The following PIGN variants were observed in gnomAD, a reference collection of about 807,000 sequenced individuals.
PIGN encodes GPI ethanolamine phosphate transferase 1.
In PIGN, 117 loss-of-function variants were observed where a neutral mutation model predicts 125.4. The observed-to-expected ratio is 0.93, with a 90% CI of 0.80 to 1.09. PIGN has a LOEUF of 1.09. Among genes scored for constraint, PIGN ranks in the 50% least tolerant of loss-of-function variants. The pLI, the probability that PIGN is intolerant of heterozygous loss-of-function variation, is 0.00. For missense variants in PIGN, 1,075 were observed against 1,094.9 expected (o/e 0.98, Z 0.26); for synonymous variants, 392 against 377.8 (o/e 1.04, Z -0.44).
Position 62,178,694 on chromosome 18 carries a change from T to C in PIGN, c.-236+8150A>G, listed in dbSNP as rs142641535. Among the ~76,000 whole-genome samples the C allele has an allele frequency of 2.5e-3, 380 of 152,204 alleles. 3 individuals carry two copies. The highest frequency in any genetic ancestry group is 8.8e-3 in the African/African-American group (367 of 41,536). On this transcript the variant is annotated intron_variant, in intron 1 of 30. Coordinates refer to ENST00000640252, the MANE Select transcript of PIGN (RefSeq NM_176787.5). ...TCAGATAAACTATTAAGCCATATAATTAGCACTAGTTCATTTGCTTATTAT... is the reference window on the plus strand; with the variant it reads ...TCAGATAAACTATTAAGCCATATAACTAGCACTAGTTCATTTGCTTATTAT...
At chr18:62,030,607 C>T (rs1398858577) in intron 23 of PIGN, among the ~76,000 whole-genome samples, 2 of 152,184 alleles carry the variant, frequency 1.3e-5, no homozygotes. Flanking sequence ...GTAGTGAACT[C>T]CACCTTTAGG....
chr18:62,101,154 A>C lies in PIGN; in HGVS notation c.1998T>G (p.Val666=). The change falls in exon 22 of 31, where the codon GTT becomes GTG. Residue 666 remains valine, a synonymous_variant. Transcript: ENST00000640252. ...GTAGACTACTCTGAGTGCTATACAC[A>C]ACATACATGGAGAGCACTGTGCTCA... ...QVLSTVLSMY[V]VYSTQSSLLR... 6.2e-7 allele frequency: 1 copy of C among 1,606,676 alleles called. No individual in the cohort carries two copies. The highest frequency in any genetic ancestry group is 8.5e-7 in the Non-Finnish European group (1 of 1,174,032).
chr18:62,130,958 AAATG>A (rs1308132645), intron 14 of PIGN, among the ~76,000 whole-genome samples: 3 of 152,196 alleles, frequency 2.0e-5, no homozygotes, highest in East Asian at 1.9e-4. Flanking sequence ...ATAAGTGAAT[AAATG>A]AATAATATTT....
chr18:62,097,388 C>T (rs2146251391), intron 22 of PIGN, among the ~76,000 whole-genome samples: 1 of 138,028 alleles, frequency 7.2e-6, no homozygotes, highest in South Asian at 2.6e-4. Context: ...CATCTCACAC[C>T]AGTTAGAATG....
At chr18:62,038,153 T>C (rs1177850801), downstream of PIGN, among the ~76,000 whole-genome samples, 1 of 152,180 alleles carries the variant, frequency 6.6e-6, no homozygotes, top group Non-Finnish European at 1.5e-5. Flanking sequence ...AGGGATAAAG[T>C]CTGAATCAGT....
At chr18:62,067,946 A>G (rs2145602374) in intron 30 of PIGN, among the ~76,000 whole-genome samples, 1 of 152,320 alleles carries the variant, frequency 6.6e-6, no homozygotes, top group Non-Finnish European at 1.5e-5. Flanking sequence ...AGTTCTATGC[A>G]TGTAATAAGA....
At chr18:62,085,917 A>C (rs2033675790) in intron 25 of PIGN, among the ~76,000 whole-genome samples, 1 of 152,196 alleles carries the variant, frequency 6.6e-6, no homozygotes, top group Non-Finnish European at 1.5e-5. Context: ...CTCTTTCATT[A>C]CCATAGACAC....
Position 62,107,674 on chromosome 18 carries a change from T to A in PIGN, c.1575-589A>T, listed in dbSNP as rs189724170. ...ATGACAATAAATGAATCTTGTTTGATCTTAGTTTAAACACGGATTCATACA... is the reference window on the plus strand; with the variant it reads ...ATGACAATAAATGAATCTTGTTTGAACTTAGTTTAAACACGGATTCATACA... On this transcript the variant is annotated intron_variant, in intron 17 of 30. Transcript: ENST00000640252. 4 of 152,224 alleles carry A rather than the reference T, an allele frequency of 2.6e-5. No individual in the cohort carries two copies. In the East Asian group the frequency reaches 7.7e-4, roughly 29 times the overall value. 9.4% of individuals were successfully genotyped at this position (152,224 alleles called of 1,614,324 possible). A position where few individuals can be genotyped will look rare whatever the true frequency, so the allele number is the denominator to read the frequency against.
intron 23 of PIGN, 55 bp downstream of exon 23, chr18:62,095,792 TC>T (rs2034154893): frequency 1.1e-6 from 1 of 910,596 alleles, no homozygotes; most frequent in Non-Finnish European, 1.8e-6. Context: ...AGAGAAAATA[TC>T]AATATATCAT....
At chr18:62,058,750 A>G (rs1224802929) in intron 30 of PIGN, 1 of 152,138 alleles carries the variant, frequency 6.6e-6, no homozygotes, top group Non-Finnish European at 1.5e-5. Context: ...ATATATTGCT[A>G]TTTATGTGAT....
At chr18:62,069,161 C>T (rs1257704184) in intron 30 of PIGN, among the ~76,000 whole-genome samples, 2 of 152,182 alleles carry the variant, frequency 1.3e-5, no homozygotes, top group African/African-American at 2.4e-5. Flanking sequence ...CATGTTATTA[C>T]TGGTAATAAG....
rs1321944116 is a variant in PIGN at position 62,041,648 on chromosome 18, T to A, written c.*4208A>T. ...AGCCTACCACCCCGCCGGGTGTGTG[T>A]GTGTGTGTGTGTGTGTGTGTGTGTG... is the stretch of plus-strand genomic sequence containing the variant. On this transcript the variant is annotated 3_prime_UTR_variant, in exon 31 of 31. Coordinates refer to ENST00000640252, the MANE Select transcript of PIGN (RefSeq NM_176787.5). 9.0e-6 allele frequency: 1 copy of A among 110,710 alleles called. No individual in the cohort carries two copies. The allele number at this position is 110,710 out of a possible 1,614,324, so 6.9% of individuals were successfully genotyped here. A position where few individuals can be genotyped will look rare whatever the true frequency, so the allele number is the denominator to read the frequency against.
intron 30 of PIGN, among the ~76,000 whole-genome samples, chr18:62,059,872 A>C (rs1035555025): frequency 4.6e-5 from 7 of 152,248 alleles, no homozygotes; most frequent in African/African-American, 1.4e-4. Flanking sequence ...AAAAGATTAC[A>C]TGCTAGCAGA....
intron 30 of PIGN, among the ~76,000 whole-genome samples, chr18:62,064,300 G>A (rs1373524502): frequency 6.6e-6 from 1 of 152,154 alleles, no homozygotes; most frequent in Admixed American, 6.5e-5. Flanking sequence ...TGTGTTAAGA[G>A]TCATACACTT....
At chr18:62,048,270 C>T (rs1363054872) in intron 30 of PIGN, among the ~76,000 whole-genome samples, 1 of 151,982 alleles carries the variant, frequency 6.6e-6, no homozygotes, top group Non-Finnish European at 1.5e-5. Flanking sequence ...GAAAAAGAGG[C>T]TAAAAGAGTA....
chr18:62,027,510 A>C (rs1296858141), intron 23 of PIGN, among the ~76,000 whole-genome samples: 1 of 152,212 alleles, frequency 6.6e-6, no homozygotes, highest in Non-Finnish European at 1.5e-5. Context: ...GCGAAGCAAA[A>C]GCGGGACAAC....
At chr18:62,143,919 G>A (rs1032449275) in intron 10 of PIGN, among the ~76,000 whole-genome samples, 2 of 152,070 alleles carry the variant, frequency 1.3e-5, no homozygotes, top group African/African-American at 2.4e-5. Flanking sequence ...TGCATTAAAC[G>A]GAAATCTAAA....
At chr18:62,118,661 A>G (rs2035178889) in intron 14 of PIGN, 1 of 152,172 alleles carries the variant, frequency 6.6e-6, no homozygotes, top group Non-Finnish European at 1.5e-5. Flanking sequence ...TGAGGACCTA[A>G]AAAGGAAGAA....
chr18:62,118,968 C>T (rs915942479), intron 14 of PIGN, among the ~76,000 whole-genome samples: 1 of 150,432 alleles, frequency 6.6e-6, no homozygotes, highest in African/African-American at 2.4e-5. Context: ...GAAAAGCAGA[C>T]AGAAGTTTTG....
Sources: allele counts gnomAD v4.1 joint callset (sites outside exome capture counted in the v4.1 genomes callset), GRCh38; gene constraint gnomAD v4.1.1; transcripts MANE v1.5; gene names NCBI Gene and HGNC (gene_info 2026-07-23, HGNC 2026-07-21).